ERBB4: variants seen among roughly 807,000 people sequenced by gnomAD.
ERBB4 encodes receptor tyrosine-protein kinase erbB-4.
ERBB4 carries 42 observed loss-of-function variants against 158.0 expected under a neutral mutation model. The ratio of observed to expected loss-of-function variants is 0.27; its 90% CI spans 0.21 to 0.34. ERBB4 has a LOEUF of 0.34. ERBB4 is among the 10% of genes least tolerant of loss of function. The pLI is 1.00. For synonymous variants in ERBB4, 583 were observed against 558.7 expected (o/e 1.04, Z -0.61); for missense variants, 1,333 against 1,624.1 (o/e 0.82, Z 3.08).
chr2:212,166,133 C>T (rs1406552519), intron 1 of ERBB4, among the ~76,000 whole-genome samples: 2 of 151,934 alleles, frequency 1.3e-5, no homozygotes, highest in African/African-American at 2.4e-5. Context: ...CAGCTACTCT[C>T]CTTTAGACAC....
chr2:211,529,133 C>A (rs1203150841), intron 20 of ERBB4, among the ~76,000 whole-genome samples: 7 of 146,368 alleles, frequency 4.8e-5, no homozygotes, highest in Admixed American at 6.7e-5. Flanking sequence ...AGAGAGGAGA[C>A]CCAAATTAAA....
chr2:212,331,450 T>A (rs941573641), intron 1 of ERBB4, among the ~76,000 whole-genome samples: 6 of 151,922 alleles, frequency 3.9e-5, no homozygotes, highest in African/African-American at 9.6e-5. Context: ...GTAATAAAAA[T>A]TTTTAAATAA....
chr2:211,830,055 C>T (rs2077186357), intron 3 of ERBB4, among the ~76,000 whole-genome samples: 1 of 152,098 alleles, frequency 6.6e-6, no homozygotes, highest in African/African-American at 2.4e-5. Flanking sequence ...CTCTGAGATA[C>T]CTCTCTATCC....
intron 20 of ERBB4, among the ~76,000 whole-genome samples, chr2:211,513,528 C>T (rs2065942364): frequency 1.3e-5 from 2 of 151,978 alleles, no homozygotes; most frequent in Admixed American, 1.3e-4. Flanking sequence ...GAGGCTTGTC[C>T]CTCTGATTCA....
chr2:211,736,751 C>T (rs948378348), intron 5 of ERBB4, among the ~76,000 whole-genome samples: 2 of 152,064 alleles, frequency 1.3e-5, no homozygotes, highest in African/African-American at 4.8e-5. Flanking sequence ...TTATTCCCAC[C>T]ATAATTACTG....
At chr2:212,458,117 C>A (rs898413620) in intron 1 of ERBB4, among the ~76,000 whole-genome samples, 2 of 151,910 alleles carry the variant, frequency 1.3e-5, no homozygotes, top group Admixed American at 6.6e-5. Context: ...TATTAGATAC[C>A]TACTATGTGT....
At chr2:212,051,529 A>T (rs2077399738) in intron 2 of ERBB4, among the ~76,000 whole-genome samples, 2 of 152,208 alleles carry the variant, frequency 1.3e-5, no homozygotes, top group South Asian at 2.1e-4. Context: ...TTCCTTACAC[A>T]TGAGATTACT....
chr2:211,415,453 T>C (rs1237087408), intron 25 of ERBB4, among the ~76,000 whole-genome samples: 1 of 152,200 alleles, frequency 6.6e-6, no homozygotes, highest in African/African-American at 2.4e-5. Context: ...TCATTGTGTC[T>C]GCATTATCAT....
intron 20 of ERBB4, among the ~76,000 whole-genome samples, chr2:211,536,313 G>T (rs1422565662): frequency 6.6e-6 from 1 of 152,074 alleles, no homozygotes; most frequent in African/African-American, 2.4e-5. Flanking sequence ...AACTGCAAGT[G>T]TAGTGTAATC....
At chr2:212,486,087 C>G (rs760620850) in intron 1 of ERBB4, among the ~76,000 whole-genome samples, 1 of 151,748 alleles carries the variant, frequency 6.6e-6, no homozygotes, top group Non-Finnish European at 1.5e-5. Context: ...AATTGCACAA[C>G]AGTTTGGCAG....
At chr2:211,831,685 T>G (rs767190734) in intron 3 of ERBB4, among the ~76,000 whole-genome samples, 23 of 152,078 alleles carry the variant, frequency 1.5e-4, no homozygotes, top group Non-Finnish European at 4.4e-5. Context: ...GTGGATCACC[T>G]GAGGTCAGGA....
chr2:212,311,462 A>C (rs74811897), intron 1 of ERBB4, among the ~76,000 whole-genome samples: 1 of 150,940 alleles, frequency 6.6e-6, no homozygotes, highest in Non-Finnish European at 1.5e-5. Flanking sequence ...CAATTTAGAA[A>C]AGAACAGGCT....
intron 1 of ERBB4, among the ~76,000 whole-genome samples, chr2:212,191,864 A>G (rs149481459): frequency 2.7e-5 from 2 of 73,334 alleles, no homozygotes; most frequent in Admixed American, 2.0e-4. Context: ...TGTTCTATAT[A>G]TTATATATAA....
chr2:211,858,848 T>A (rs1377049956), intron 3 of ERBB4, among the ~76,000 whole-genome samples: 1 of 152,134 alleles, frequency 6.6e-6, no homozygotes, highest in Non-Finnish European at 1.5e-5. Context: ...AGTGGTGCGA[T>A]CTCCGCTCAC....
At chr2:211,919,735 T>C (rs2079805918) in intron 3 of ERBB4, among the ~76,000 whole-genome samples, 1 of 151,986 alleles carries the variant, frequency 6.6e-6, no homozygotes, top group African/African-American at 2.4e-5. Flanking sequence ...CCTCAGAAGT[T>C]AGAAGTTGTT....
intron 1 of ERBB4, among the ~76,000 whole-genome samples, chr2:212,239,430 TG>T (rs2084002997): frequency 6.6e-6 from 1 of 152,228 alleles, no homozygotes; most frequent in Non-Finnish European, 1.5e-5. Context: ...TGGTACAATT[TG>T]TAGCAAAGTG....
intron 25 of ERBB4, among the ~76,000 whole-genome samples, chr2:211,392,858 T>C (rs1159716324): frequency 6.6e-6 from 1 of 152,040 alleles, no homozygotes; most frequent in African/African-American, 2.4e-5. Flanking sequence ...GGTTTCACTA[T>C]CTTGGCCAGG....
intron 3 of ERBB4, among the ~76,000 whole-genome samples, chr2:211,820,855 GA>G (rs1039474577): frequency 7.2e-5 from 11 of 151,764 alleles, no homozygotes; most frequent in African/African-American, 2.4e-4. Context: ...CATCTTAATG[GA>G]TGCAGAAAAT....
chr2:212,397,162 T>C (rs2091052452), intron 1 of ERBB4, among the ~76,000 whole-genome samples: 1 of 152,072 alleles, frequency 6.6e-6, no homozygotes, highest in African/African-American at 2.4e-5. Flanking sequence ...TTATAAAATA[T>C]CAGAATGGCC....
Sources: gnomAD v4.1 joint callset for allele counts (sites outside exome capture counted in the v4.1 genomes callset) on GRCh38, gnomAD v4.1.1 for gene constraint, MANE v1.5 for transcripts, NCBI Gene and HGNC (gene_info 2026-07-23, HGNC 2026-07-21) for gene names.